Variants in HFM1 observed in about 807,000 individuals in gnomAD.
HFM1 encodes helicase for meiosis 1.
A neutral mutation model predicts 192.1 loss-of-function variants in HFM1; 169 were observed. The observed-to-expected ratio is 0.88, with a 90% CI of 0.78 to 1.00. HFM1 has a LOEUF of 1.00. Among genes scored for constraint, HFM1 ranks in the 50% least tolerant of loss-of-function variants. The probability of loss-of-function intolerance (pLI) is 0.00; values close to 1 mark genes in which losing one functional copy is unlikely to be tolerated. For missense variants in HFM1, 1,661 were observed against 1,668.0 expected, an observed-to-expected ratio of 1.00 and a Z score of 0.07; for synonymous variants, 525 against 537.8, an observed-to-expected ratio of 0.98 and a Z score of 0.33.
chr1:91,372,000 C>T (rs1660280028), intron 13 of HFM1, among the ~76,000 whole-genome samples: 4 of 152,212 alleles, frequency 2.6e-5, no homozygotes. Context: ...CTCATCATCA[C>T]TGGCCATCAG....
intron 13 of HFM1, among the ~76,000 whole-genome samples, chr1:91,370,832 T>C (rs1196186125): frequency 6.6e-6 from 1 of 151,922 alleles, no homozygotes; most frequent in Non-Finnish European, 1.5e-5. Flanking sequence ...GATTGTATAT[T>C]TAGAAAACCC....
At chr1:91,289,226 G>T (rs1270106667) in intron 30 of HFM1, among the ~76,000 whole-genome samples, 1 of 151,408 alleles carries the variant, frequency 6.6e-6, no homozygotes, top group South Asian at 2.1e-4. Flanking sequence ...CCAAGACGGG[G>T]TCGCGGCCGG....
chr1:91,380,167 G>T lies in HFM1; in HGVS notation c.943C>A (p.Leu315Ile). ...TGSGKTVVFE[L>I]AITRLLMEVP... is the part of the protein sequence containing the mutation. ...TCCATTAACAATCTTGTTATAGCTA[G>T]TTCAAACACTACAGTTTTTCCAGAA... Residue 315 changes from leucine (L) to isoleucine (I), a missense_variant, in exon 8 of 39, where the codon CTA becomes ATA. Leu to Ile is a conservative substitution (Grantham distance 5). Transcript: ENST00000370425. 1 of 1,540,776 alleles carries T rather than the reference G, an allele frequency of 6.5e-7. No individual in the cohort carries two copies. Among genetic ancestry groups the T allele is most frequent in the Non-Finnish European group, 8.9e-7 (1 of 1,122,440 alleles).
intron 30 of HFM1, among the ~76,000 whole-genome samples, chr1:91,288,271 G>A (rs1438570854): frequency 6.6e-6 from 1 of 151,880 alleles, no homozygotes; most frequent in Non-Finnish European, 1.5e-5. Context: ...GAGAAAGGTC[G>A]GGTTACCCTC....
chr1:91,343,620 G>A (rs1490019082), intron 19 of HFM1, 110 bp from the exon 20 acceptor site: 1 of 446,828 alleles, frequency 2.2e-6, no homozygotes, highest in African/African-American at 2.1e-5. Context: ...AACTGTTCTA[G>A]AAGAACCATA....
intron 36 of HFM1, among the ~76,000 whole-genome samples, 169 bp from the exon 37 acceptor site, chr1:91,262,761 T>C (rs147060041): frequency 4.1e-4 from 63 of 152,290 alleles, no homozygotes; most frequent in African/African-American, 1.4e-3. Context: ...TCCTTTCCTT[T>C]AGACCAAACC....
Position 91,380,226 on chromosome 1 carries a change from G to A in HFM1, c.884C>T (p.Thr295Ile), listed in dbSNP as rs1661395714. Residue 295 changes from threonine (T) to isoleucine (I), a missense_variant, in exon 8 of 39, where the codon ACA (threonine) becomes ATA (isoleucine). Transcript: ENST00000370425. ...AGCACAAATCACAAAATTCCTATCT[G>A]TGTAAAGAAGCTAAAAAATAAAAAG... ...QSKAFDDLLY[T>I]DRNFVICAPT... 1.3e-6 allele frequency: 2 copies of A among 1,543,540 alleles called. No homozygotes were observed. Among genetic ancestry groups the A allele is most frequent in the Non-Finnish European group, 1.8e-6 (2 of 1,142,826 alleles).
At chr1:91,346,044 T>C (rs906667605) in intron 19 of HFM1, among the ~76,000 whole-genome samples, 1 of 152,232 alleles carries the variant, frequency 6.6e-6, no homozygotes, top group Non-Finnish European at 1.5e-5. Flanking sequence ...AAATTTGTTA[T>C]GCTTTTCTCT....
In HFM1 at chr1:91,375,355, T is replaced by C. The variant is rs565410987; in HGVS notation, c.1685+3A>G. 2 of 1,602,542 alleles carry C rather than the reference T, an allele frequency of 1.2e-6. No individual in the cohort carries two copies. ...ACTTCCATGAAAAAATAAAATACTATACCTCTGTTTCTGTTCCACAGTCAT... is the reference window on the plus strand; with the variant it reads ...ACTTCCATGAAAAAATAAAATACTACACCTCTGTTTCTGTTCCACAGTCAT... On this transcript the variant is annotated splice_donor_region_variant and intron_variant, in intron 13 of 38. Coordinates refer to ENST00000370425, the MANE Select transcript of HFM1 (RefSeq NM_001017975.6).
At chr1:91,335,349 A>C (rs1283221122) in intron 20 of HFM1, among the ~76,000 whole-genome samples, 1 of 152,208 alleles carries the variant, frequency 6.6e-6, no homozygotes, top group East Asian at 1.9e-4. Flanking sequence ...CTCTTACCCT[A>C]AATATTTATA....
chr1:91,267,507 A>G (rs1446772310), intron 35 of HFM1, among the ~76,000 whole-genome samples: 1 of 152,160 alleles, frequency 6.6e-6, no homozygotes, highest in Non-Finnish European at 1.5e-5. Flanking sequence ...AATAGAATAG[A>G]AAGTGCTCAT....
At chr1:91,397,017 A>C (rs1237752683) in intron 2 of HFM1, among the ~76,000 whole-genome samples, 2 of 152,180 alleles carry the variant, frequency 1.3e-5, no homozygotes, top group African/African-American at 4.8e-5. Flanking sequence ...TCTAGGTTGC[A>C]TGCTCCTTAT....
In HFM1 at chr1:91,385,251, A is replaced by G; in HGVS notation, c.755-17T>C. 7.0e-7 allele frequency: 1 copy of G among 1,426,784 alleles called. No homozygotes were observed. Among genetic ancestry groups the G allele is most frequent in the South Asian group, 1.2e-5 (1 of 81,794 alleles). The allele number at this position is 1,426,784 out of a possible 1,614,324, so 88.4% of individuals were successfully genotyped here. A position where few individuals can be genotyped will look rare whatever the true frequency, so the allele number is the denominator to read the frequency against. ...CTGTTACCTCTGAAAAAAAAATGCT[A>G]CATATTTATATAAATATCAAAAAAA... On this transcript the variant is annotated splice_polypyrimidine_tract_variant and intron_variant, in intron 5 of 38. Transcript: ENST00000370425.
chr1:91,343,619 A>G (rs1266143358), intron 19 of HFM1, 109 bp from the exon 20 acceptor site: 2 of 449,446 alleles, frequency 4.4e-6, no homozygotes, highest in Non-Finnish European at 8.0e-6. Flanking sequence ...TAACTGTTCT[A>G]GAAGAACCAT....
intron 5 of HFM1, 72 bp downstream of exon 5, chr1:91,385,503 A>T: frequency 7.9e-7 from 1 of 1,265,886 alleles, no homozygotes; most frequent in Non-Finnish European, 1.1e-6. Flanking sequence ...CTATATTTTT[A>T]CATTTTCCCC....
chr1:91,314,863 T>C (rs563610099), intron 28 of HFM1, among the ~76,000 whole-genome samples: 2 of 152,220 alleles, frequency 1.3e-5, no homozygotes, highest in Non-Finnish European at 2.9e-5. Context: ...AAGTGGGTCA[T>C]GGTTAGCTGC....
intron 30 of HFM1, among the ~76,000 whole-genome samples, chr1:91,297,579 C>A (rs905821289): frequency 6.6e-6 from 1 of 152,190 alleles, no homozygotes; most frequent in African/African-American, 2.4e-5. Context: ...GCCGGGTACC[C>A]CTCTGAGACA....
intron 13 of HFM1, among the ~76,000 whole-genome samples, chr1:91,367,674 G>T (rs930704972): frequency 1.3e-5 from 2 of 152,032 alleles, no homozygotes; most frequent in Non-Finnish European, 2.9e-5. Flanking sequence ...CAGAAAAACC[G>T]GAAACTCTAA....
intron 19 of HFM1, among the ~76,000 whole-genome samples, chr1:91,344,750 C>G (rs1242916156): frequency 3.5e-5 from 2 of 57,366 alleles, no homozygotes; most frequent in African/African-American, 1.6e-4. Context: ...CTTTTCTTTT[C>G]TTGTTTTTTT....
Sources: allele counts gnomAD v4.1 joint callset (sites outside exome capture counted in the v4.1 genomes callset), GRCh38; gene constraint gnomAD v4.1.1; transcripts MANE v1.5; gene names NCBI Gene and HGNC (gene_info 2026-07-23, HGNC 2026-07-21).